Variants in C8orf34 observed in about 807,000 individuals in gnomAD.
C8orf34 encodes chromosome 8 open reading frame 34.
C8orf34 carries 65 observed loss-of-function variants against 68.3 expected under a neutral mutation model. The ratio of observed to expected loss-of-function variants is 0.95; its 90% CI spans 0.78 to 1.17. The LOEUF is 1.17. Ranked by LOEUF, C8orf34 falls within the 50% of genes most tolerant of loss-of-function variation. C8orf34 has a pLI of 0.00. For missense variants in C8orf34, 664 were observed against 655.4 expected, an observed-to-expected ratio of 1.01 and a Z score of -0.14; for synonymous variants, 244 against 241.2, an observed-to-expected ratio of 1.01 and a Z score of -0.11.
chr8:68,816,763 G>A (rs541860944), intron 13 of C8orf34, among the ~76,000 whole-genome samples: 5 of 152,050 alleles, frequency 3.3e-5, no homozygotes, highest in Non-Finnish European at 5.9e-5. Context: ...AGAATATTAT[G>A]TTCATTGCCA....
intron 10 of C8orf34, among the ~76,000 whole-genome samples, chr8:68,750,424 A>C (rs180970825): frequency 1.3e-5 from 2 of 152,302 alleles, no homozygotes; most frequent in East Asian, 3.9e-4. Flanking sequence ...GACAGAAAGT[A>C]GATTAGGGTT....
intron 10 of C8orf34, among the ~76,000 whole-genome samples, chr8:68,770,581 C>A (rs1823310968): frequency 6.6e-6 from 1 of 152,212 alleles, no homozygotes; most frequent in Admixed American, 6.5e-5. Flanking sequence ...TGTCCAACAT[C>A]CACTGATAAA....
intron 8 of C8orf34, among the ~76,000 whole-genome samples, chr8:68,664,054 G>A (rs1038772683): frequency 3.4e-4 from 52 of 152,156 alleles, no homozygotes; most frequent in African/African-American, 1.3e-3. Flanking sequence ...TTACTGGAAG[G>A]GGAAAGAGGA....
At chr8:68,490,971 G>T (rs922977979) in intron 5 of C8orf34, among the ~76,000 whole-genome samples, 3 of 152,104 alleles carry the variant, frequency 2.0e-5, no homozygotes, top group African/African-American at 7.2e-5. Context: ...TATTCACCTG[G>T]TACCTATGTC....
At chr8:68,800,383 C>T (rs1171157761) in intron 12 of C8orf34, among the ~76,000 whole-genome samples, 1 of 152,034 alleles carries the variant, frequency 6.6e-6, no homozygotes, top group Non-Finnish European at 1.5e-5. Context: ...TTTAAGAAAG[C>T]TATCTATCTT....
intron 10 of C8orf34, among the ~76,000 whole-genome samples, chr8:68,755,790 G>A (rs1241725701): frequency 1.3e-5 from 2 of 152,158 alleles, no homozygotes; most frequent in Non-Finnish European, 2.9e-5. Context: ...GGCCAGGCGC[G>A]GTGGCTCACG....
chr8:68,737,449 A>G (rs1348275734), intron 10 of C8orf34, among the ~76,000 whole-genome samples: 4 of 152,066 alleles, frequency 2.6e-5, no homozygotes, highest in Admixed American at 2.6e-4. Flanking sequence ...AACAGGCTAA[A>G]TGCCTCAATT....
At chr8:68,516,058 C>A (rs1338557543) in intron 5 of C8orf34, among the ~76,000 whole-genome samples, 2 of 152,082 alleles carry the variant, frequency 1.3e-5, no homozygotes, top group Non-Finnish European at 2.9e-5. Flanking sequence ...CAAAAACTTC[C>A]TTTTTTGAAA....
At chr8:68,414,793 G>T (rs1000916413) in intron 1 of C8orf34, among the ~76,000 whole-genome samples, 1 of 152,064 alleles carries the variant, frequency 6.6e-6, no homozygotes, top group Non-Finnish European at 1.5e-5. Context: ...GGTTCCTATG[G>T]TGATGATCTC....
intron 3 of C8orf34, among the ~76,000 whole-genome samples, chr8:68,468,402 T>C (rs1025553553): frequency 6.6e-6 from 1 of 152,060 alleles, no homozygotes; most frequent in Non-Finnish European, 1.5e-5. Context: ...AAATACACTT[T>C]GCCTGTGTGT....
At chr8:68,582,632 C>G (rs1372260070) in intron 7 of C8orf34, among the ~76,000 whole-genome samples, 1 of 151,994 alleles carries the variant, frequency 6.6e-6, no homozygotes, top group Non-Finnish European at 1.5e-5. Context: ...AAGGCCCTTC[C>G]AATGTCCTTT....
At chr8:68,731,977 A>T (rs1821990954) in intron 10 of C8orf34, among the ~76,000 whole-genome samples, 1 of 152,260 alleles carries the variant, frequency 6.6e-6, no homozygotes, top group Non-Finnish European at 1.5e-5. Flanking sequence ...CCGTGCAAGC[A>T]GCCTATTCTG....
intron 8 of C8orf34, among the ~76,000 whole-genome samples, chr8:68,690,636 T>C (rs978256735): frequency 6.6e-6 from 1 of 151,932 alleles, no homozygotes; most frequent in Non-Finnish European, 1.5e-5. Context: ...TCTGCCCTCA[T>C]GACATAATCA....
chr8:68,720,763 A>G (rs186316092), intron 9 of C8orf34, among the ~76,000 whole-genome samples: 38 of 152,056 alleles, frequency 2.5e-4, no homozygotes, highest in Non-Finnish European at 4.6e-4. Flanking sequence ...GTCAGAAGAC[A>G]TATGAAAAAG....
chr8:68,512,394 G>T (rs1406808208), intron 5 of C8orf34, among the ~76,000 whole-genome samples: 4 of 152,072 alleles, frequency 2.6e-5, no homozygotes, highest in Non-Finnish European at 1.5e-5. Context: ...TTTCTTTCTG[G>T]ATGTTTCAGG....
intron 12 of C8orf34, 72 bp from the exon 13 acceptor site, chr8:68,815,814 C>G (rs890662148): frequency 6.2e-7 from 1 of 1,611,656 alleles, no homozygotes; most frequent in Admixed American, 1.7e-5. Context: ...TTGGCTAAAG[C>G]GCTAGGGAAT....
chr8:68,700,906 A>G (rs1329277637), intron 8 of C8orf34, among the ~76,000 whole-genome samples: 1 of 152,138 alleles, frequency 6.6e-6, no homozygotes, highest in Non-Finnish European at 1.5e-5. Context: ...CTTAGAAGTA[A>G]CTTGATGAAT....
chr8:68,481,315 G>A (rs552678995), intron 4 of C8orf34, among the ~76,000 whole-genome samples: 1 of 151,208 alleles, frequency 6.6e-6, no homozygotes, highest in Admixed American at 6.6e-5. Context: ...TGGATGCCCA[G>A]GCAAAGATTG....
At chr8:68,483,277 G>T (rs932650352) in intron 4 of C8orf34, among the ~76,000 whole-genome samples, 2 of 152,186 alleles carry the variant, frequency 1.3e-5, no homozygotes, top group Admixed American at 6.5e-5. Flanking sequence ...TGTGTTTTGT[G>T]CTGTGCTGGT....
Sources: allele counts gnomAD v4.1 joint callset (sites outside exome capture counted in the v4.1 genomes callset), GRCh38; gene constraint gnomAD v4.1.1; transcripts MANE v1.5; gene names NCBI Gene and HGNC (gene_info 2026-07-23, HGNC 2026-07-21).